CSMD1: variants seen among roughly 807,000 people sequenced by gnomAD.
CSMD1 encodes CUB and sushi domain-containing protein 1.
In CSMD1, 213 loss-of-function variants were observed where a neutral mutation model predicts 417.5. That is an observed-to-expected ratio of 0.51 (90% confidence interval 0.46 to 0.57). The LOEUF is 0.57. CSMD1 is among the 20% of genes least tolerant of loss of function. The probability of loss-of-function intolerance (pLI) is 0.00; values close to 1 mark genes in which losing one functional copy is unlikely to be tolerated. For missense variants in CSMD1, 6,923 were observed against 4,529.7 expected (o/e 1.53, Z -15.17); for synonymous variants, 2,862 against 1,736.8 (o/e 1.65, Z -16.11).
intron 10 of CSMD1, among the ~76,000 whole-genome samples, chr8:3,534,140 G>A (rs1186958794): frequency 1.3e-5 from 2 of 152,150 alleles, no homozygotes; most frequent in Admixed American, 6.5e-5. Flanking sequence ...TATGCACTGT[G>A]AAATAACAAA....
rs559205035 is a variant in CSMD1 at position 4,140,342 on chromosome 8, T to C, written c.416-108243A>G. 1.7e-3 allele frequency among the ~76,000 whole-genome samples: 253 copies of C among 150,800 alleles called. 19 individuals carry two copies. The highest frequency in any genetic ancestry group is 5.9e-3 in the African/African-American group (239 of 40,248). ...TGAAATCCCATCTCTACTAAAACAA[T>C]ACAAAATTAGCTGGGAATGGTGGCA... On this transcript the variant is annotated intron_variant, in intron 3 of 69. Coordinates refer to ENST00000635120, the MANE Select transcript of CSMD1 (RefSeq NM_033225.6).
chr8:4,901,541 C>T (rs1804870462), intron 1 of CSMD1, among the ~76,000 whole-genome samples: 1 of 151,642 alleles, frequency 6.6e-6, no homozygotes, highest in African/African-American at 2.4e-5. Context: ...TTCATATGAT[C>T]TCCCCACCAA....
At chr8:4,841,525 T>A (rs1211395112) in intron 1 of CSMD1, among the ~76,000 whole-genome samples, 2 of 152,148 alleles carry the variant, frequency 1.3e-5, no homozygotes, top group Non-Finnish European at 2.9e-5. Context: ...AAATAAAAAG[T>A]AATGTGTCAT....
chr8:4,337,601 G>C (rs937287445), intron 3 of CSMD1, among the ~76,000 whole-genome samples: 2 of 152,082 alleles, frequency 1.3e-5, no homozygotes, highest in Non-Finnish European at 2.9e-5. Context: ...AAATTCTGTG[G>C]ACAGTAAATA....
At chr8:4,299,620 A>G (rs1291405427) in intron 3 of CSMD1, among the ~76,000 whole-genome samples, 1 of 152,108 alleles carries the variant, frequency 6.6e-6, no homozygotes, top group African/African-American at 2.4e-5. Flanking sequence ...GTATCATATC[A>G]TATATCATAC....
rs544652035 is a variant in CSMD1 at position 3,856,625 on chromosome 8, C to A, written c.819-102583G>T. On this transcript the variant is annotated intron_variant, in intron 5 of 69. Transcript: ENST00000635120. ...TTTTATAGTCCTTTTCTATGGTGCC[C>A]CTCCCTGCAGCAGCAGTAAACGTTT... is the stretch of plus-strand genomic sequence containing the variant. Among the ~76,000 whole-genome samples the A allele has an allele frequency of 2.6e-5, 4 of 152,246 alleles. No individual in the cohort carries two copies. The South Asian group carries it at 8.3e-4, about 32-fold the overall frequency.
chr8:3,524,070 C>T (rs1166307668), intron 10 of CSMD1, among the ~76,000 whole-genome samples: 3 of 114,216 alleles, frequency 2.6e-5, no homozygotes, highest in African/African-American at 9.6e-5. Context: ...CATGCACACA[C>T]TTACACATGC....
At position 2,938,160 on chromosome 8, in the gene CSMD1, AAAC is replaced by A. The variant is rs774070786; in HGVS notation, c.*422_*424del. 1.9e-5 allele frequency: 3 copies of A among 157,358 alleles called. No individual in the cohort carries two copies. The highest frequency in any genetic ancestry group is 2.8e-5 in the Non-Finnish European group (2 of 71,654). 9.7% of individuals were successfully genotyped at this position (157,358 alleles called of 1,614,324 possible). On this transcript the variant is annotated 3_prime_UTR_variant, in exon 70 of 70. Transcript: ENST00000635120. ...GTGTTCATGGGGGTTTAAAAAGGAAAAACAACACAAGAGAACACATATCGTGGT... is the reference window on the plus strand; with the variant it reads ...GTGTTCATGGGGGTTTAAAAAGGAAAAACACAAGAGAACACATATCGTGGT...
chr8:3,156,865 T>C (rs942527874), intron 39 of CSMD1, among the ~76,000 whole-genome samples: 5 of 151,612 alleles, frequency 3.3e-5, no homozygotes, highest in Admixed American at 2.0e-4. Flanking sequence ...AGATGGGGCA[T>C]TGGAGCTAAG....
intron 3 of CSMD1, among the ~76,000 whole-genome samples, chr8:4,401,294 T>C (rs1804629136): frequency 6.6e-6 from 1 of 152,198 alleles, no homozygotes; most frequent in Non-Finnish European, 1.5e-5. Flanking sequence ...GTCAAAGTGC[T>C]TTTATAATAT....
rs1322957535 is a variant in CSMD1, at chr8:4,806,889, C to T, written c.86-169331G>A. Among the ~76,000 whole-genome samples the T allele has an allele frequency of 2.0e-5, 3 of 152,254 alleles. No homozygotes were observed. In the East Asian group the frequency reaches 5.8e-4, roughly 29 times the overall value. On this transcript the variant is annotated intron_variant, in intron 1 of 69. Coordinates refer to ENST00000635120, the MANE Select transcript of CSMD1 (RefSeq NM_033225.6). ...CAGCCTGAAAGATGGTCTTACCCTTCCTAGGAGTTGAATGAGCAAGTACAG... is the reference window on the plus strand; with the variant it reads ...CAGCCTGAAAGATGGTCTTACCCTTTCTAGGAGTTGAATGAGCAAGTACAG...
chr8:4,788,170 C>G (rs1172367659), intron 1 of CSMD1: 3 of 1,595,762 alleles, frequency 1.9e-6, no homozygotes, highest in Non-Finnish European at 1.7e-6. Context: ...ATCAAGAAGG[C>G]CTGTGGAAAT....
chr8:3,733,955 G>C (rs1796397023), intron 6 of CSMD1, among the ~76,000 whole-genome samples: 2 of 152,088 alleles, frequency 1.3e-5, no homozygotes, highest in Admixed American at 6.5e-5. Context: ...CTGGGGTCCT[G>C]AAACTTATCC....
chr8:3,549,287 G>A (rs563182615), intron 10 of CSMD1, among the ~76,000 whole-genome samples: 5 of 152,332 alleles, frequency 3.3e-5, no homozygotes, highest in Admixed American at 6.5e-5. Context: ...TGTGTGTCCT[G>A]CAAAATCTAA....
chr8:3,889,260 A>C (rs1312862721), intron 5 of CSMD1, among the ~76,000 whole-genome samples: 1 of 151,794 alleles, frequency 6.6e-6, no homozygotes, highest in Non-Finnish European at 1.5e-5. Context: ...GAGATTTCTT[A>C]AATGTTTTTC....
At chr8:4,092,314 G>C (rs528827123) in intron 3 of CSMD1, among the ~76,000 whole-genome samples, 2 of 152,010 alleles carry the variant, frequency 1.3e-5, no homozygotes, top group Non-Finnish European at 2.9e-5. Context: ...TCCTGGCTTC[G>C]TCCTTTCCTG....
intron 5 of CSMD1, among the ~76,000 whole-genome samples, chr8:3,894,346 A>G (rs146174965): frequency 6.6e-6 from 1 of 152,092 alleles, no homozygotes; most frequent in African/African-American, 2.4e-5. Context: ...TTTTTCTATC[A>G]CGAGGATTAA....
At chr8:3,268,287 CTATTTTTTTTTTTT>C (rs1404826006) in intron 26 of CSMD1, among the ~76,000 whole-genome samples, 9 of 114,652 alleles carry the variant, frequency 7.8e-5, no homozygotes, top group African/African-American at 2.4e-4. Flanking sequence ...GGTTCATTTC[CTATTTTTTTTTTTT>C]TTTTTTTTTT....
intron 3 of CSMD1, among the ~76,000 whole-genome samples, chr8:4,330,519 G>C (rs891927237): frequency 6.6e-6 from 1 of 151,368 alleles, no homozygotes; most frequent in Non-Finnish European, 1.5e-5. Flanking sequence ...GAACCGAGGA[G>C]GCAGAGGTTA....
Sources: allele counts gnomAD v4.1 joint callset (sites outside exome capture counted in the v4.1 genomes callset), GRCh38; gene constraint gnomAD v4.1.1; transcripts MANE v1.5; gene names NCBI Gene and HGNC (gene_info 2026-07-23, HGNC 2026-07-21).